SCARB1: variants seen among roughly 807,000 people sequenced by gnomAD.
SCARB1 encodes the protein CD36 and LIMPII analogous 1.
SCARB1 carries 30 observed loss-of-function variants against 57.2 expected under a neutral mutation model. The ratio of observed to expected loss-of-function variants is 0.52; its 90% CI spans 0.39 to 0.71. SCARB1 has a LOEUF of 0.71. Among genes scored for constraint, SCARB1 ranks in the 30% least tolerant of loss-of-function variants. SCARB1 has a pLI of 0.00. For synonymous variants in SCARB1, 249 were observed against 268.3 expected (o/e 0.93, Z 0.70); for missense variants, 543 against 671.2 (o/e 0.81, Z 2.11).
intron 6 of SCARB1, 103 bp from the exon 7 acceptor site, chr12:124,808,030 T>C: frequency 8.4e-7 from 1 of 1,184,430 alleles, no homozygotes. Flanking sequence ...CCACGGGCGC[T>C]ACCACCTCCC....
At chr12:124,861,162 C>T (rs1347064659) in intron 1 of SCARB1, among the ~76,000 whole-genome samples, 1 of 152,036 alleles carries the variant, frequency 6.6e-6, no homozygotes, top group Non-Finnish European at 1.5e-5. Flanking sequence ...GGTTTCAGGA[C>T]CCCCATAGAT....
Position 124,817,707 on chromosome 12 carries a change from T to C in SCARB1, c.127A>G (p.Asn43Asp), listed in dbSNP as rs752620595. 1 of 1,614,122 alleles carries C rather than the reference T, an allele frequency of 6.2e-7. No individual in the cohort carries two copies. The highest frequency in any genetic ancestry group is 2.2e-5 in the East Asian group (1 of 44,878). The change falls in exon 2 of 13, where the codon AAC becomes GAC. Residue 43 changes from asparagine (N) to aspartate (D), a missense_variant and splice_region_variant. By Grantham distance (23) the Asn-to-Asp change is conservative. Transcript: ENST00000261693. This position sits in a 1 kb window ranked among gnomAD's most constrained non-coding sequence, Gnocchi z 4.8. Reference protein sequence around the residue: ...PSLIKQQVLKNVRIDPSSLSF... With the variant: ...PSLIKQQVLKDVRIDPSSLSF... Reference sequence around the variant, plus strand: ...AGGCTACTGGGGTCGATGCGCACGTTCTGCAGGGGAAGGGACAAGTACGCT... The same window carrying C: ...AGGCTACTGGGGTCGATGCGCACGTCCTGCAGGGGAAGGGACAAGTACGCT...
chr12:124,805,941 C>T (rs1178237164), intron 7 of SCARB1, among the ~76,000 whole-genome samples: 3 of 152,144 alleles, frequency 2.0e-5, no homozygotes, highest in Admixed American at 6.5e-5. Context: ...GAAATGTTCT[C>T]TATCTGTGCT....
intron 1 of SCARB1, among the ~76,000 whole-genome samples, chr12:124,838,775 C>CT (rs1174317110): frequency 0.2 from 23,875 of 117,016 alleles, 3,917 homozygotes; most frequent in East Asian, 0.4. Context: ...CCAACTTAGC[C>CT]TTTTTTTTTT....
intron 1 of SCARB1, among the ~76,000 whole-genome samples, chr12:124,852,443 A>G (rs767098394): frequency 6.6e-6 from 1 of 152,092 alleles, no homozygotes; most frequent in Non-Finnish European, 1.5e-5. Flanking sequence ...CCGGAGAAAC[A>G]CGCCCGGCAG....
chr12:124,819,576 G>C (rs990953663), intron 1 of SCARB1, among the ~76,000 whole-genome samples: 1 of 152,038 alleles, frequency 6.6e-6, no homozygotes, highest in Non-Finnish European at 1.5e-5. Flanking sequence ...CAACCCAGCC[G>C]GGACATATCT....
intron 9 of SCARB1, among the ~76,000 whole-genome samples, chr12:124,793,692 C>CAAAAA (rs71092224): frequency 0.01 from 517 of 51,410 alleles, 13 homozygotes; most frequent in African/African-American, 0.028. Context: ...GACTCCGTCT[C>CAAAAA]AAAAAAAAAA....
intron 9 of SCARB1, among the ~76,000 whole-genome samples, chr12:124,794,400 CTTTTTT>C (rs3043265): frequency 1.7e-5 from 2 of 119,910 alleles, no homozygotes; most frequent in East Asian, 2.6e-4. Flanking sequence ...TTGAAAAATT[CTTTTTT>C]TTTTTTTTTT....
intron 1 of SCARB1, among the ~76,000 whole-genome samples, chr12:124,837,492 G>GAAGA (rs1951701596): frequency 7.4e-6 from 1 of 135,350 alleles, no homozygotes; most frequent in African/African-American, 2.9e-5. Context: ...AGGAAGGAAG[G>GAAGA]AAGGAAGGAA....
intron 1 of SCARB1, among the ~76,000 whole-genome samples, chr12:124,860,486 C>T (rs1157803072): frequency 6.6e-6 from 1 of 152,240 alleles, no homozygotes; most frequent in Non-Finnish European, 1.5e-5. Context: ...ACCAGAGACA[C>T]ACGGGAACTT....
At chr12:124,780,740 G>A (rs983277453) in intron 12 of SCARB1, among the ~76,000 whole-genome samples, 1 of 152,220 alleles carries the variant, frequency 6.6e-6, no homozygotes, top group Non-Finnish European at 1.5e-5. Context: ...GTTTTGTTTG[G>A]GGGGCAGATG....
At chr12:124,792,243 C>T (rs1440833420) in intron 9 of SCARB1, among the ~76,000 whole-genome samples, 8 of 152,256 alleles carry the variant, frequency 5.3e-5, no homozygotes, top group Admixed American at 2.0e-4. Flanking sequence ...CTCTGCTTCC[C>T]GGCAGCTGTG....
At chr12:124,786,797 G>A (rs1238461535) in intron 10 of SCARB1, among the ~76,000 whole-genome samples, 4 of 152,202 alleles carry the variant, frequency 2.6e-5, no homozygotes, top group Admixed American at 6.5e-5. Flanking sequence ...CTGAATGGAG[G>A]CTCTCCAGGA....
chr12:124,815,266 C>T (rs924811951), intron 2 of SCARB1, 152 bp from the exon 3 acceptor site: 3 of 876,444 alleles, frequency 3.4e-6, no homozygotes, highest in African/African-American at 3.3e-5. Context: ...GCCCCTTCGC[C>T]AAGTCTGTCC....
intron 2 of SCARB1, among the ~76,000 whole-genome samples, chr12:124,815,847 AAG>A (rs934953966): frequency 6.6e-6 from 1 of 152,140 alleles, no homozygotes; most frequent in Admixed American, 6.5e-5. Flanking sequence ...ACCTGGGTGA[AAG>A]AGAGACTCCG....
At chr12:124,804,529 T>G (rs1950257532) in intron 7 of SCARB1, among the ~76,000 whole-genome samples, 1 of 152,142 alleles carries the variant, frequency 6.6e-6, no homozygotes, top group Non-Finnish European at 1.5e-5. Flanking sequence ...ACAGTTGCTG[T>G]AGCACACCTA....
At chr12:124,831,567 C>T (rs185861761) in intron 1 of SCARB1, among the ~76,000 whole-genome samples, 7 of 152,224 alleles carry the variant, frequency 4.6e-5, no homozygotes, top group Admixed American at 1.3e-4. Flanking sequence ...AGCAGAGCAG[C>T]GAGGCCAGCC....
At position 124,778,410 on chromosome 12, in the gene SCARB1, GTA is replaced by G. The variant is rs1269406576; in HGVS notation, c.*175_*176del. ...TCTGCACAAGCCTGCACGCATGTGT[GTA>G]TGTGTGCCAGGGCGTGTGTGCAGGT... On this transcript the variant is annotated 3_prime_UTR_variant, in exon 13 of 13. Coordinates refer to ENST00000261693, the MANE Select transcript of SCARB1 (RefSeq NM_005505.5). 101 of 1,269,908 alleles carry G rather than the reference GTA, an allele frequency of 8.0e-5. 1 individual carries two copies. The Admixed American group carries it at 9.2e-4, about 12-fold the overall frequency. 78.7% of individuals were successfully genotyped at this position (1,269,908 alleles called of 1,614,324 possible).
rs71092225 is a variant in SCARB1, at chr12:124,817,020, ATGTGTGTGTGTGTG to A, written c.284+516_284+529del. On this transcript the variant is annotated intron_variant, in intron 2 of 12. Coordinates refer to ENST00000261693, the MANE Select transcript of SCARB1 (RefSeq NM_005505.5). The surrounding 1 kb of genome is among the most constrained non-coding windows in gnomAD (Gnocchi z 4.8). ...GGTCGGTCCCTGCTCCTGGTCATGCATGTGTGTGTGTGTGTGTGTGTGTGTGTGTATGTGTGTAT... is the reference window on the plus strand; with the variant it reads ...GGTCGGTCCCTGCTCCTGGTCATGCATGTGTGTGTGTGTGTATGTGTGTAT... 6.2e-5 allele frequency among the ~76,000 whole-genome samples: 9 copies of A among 146,170 alleles called. No individual in the cohort carries two copies. The highest frequency in any genetic ancestry group is 5.0e-5 in the African/African-American group (2 of 39,744).
Sources: gnomAD v4.1 joint callset for allele counts (sites outside exome capture counted in the v4.1 genomes callset) on GRCh38, gnomAD v4.1.1 for gene constraint, Gnocchi (gnomAD v3.1) non-coding constraint, MANE v1.5 for transcripts, NCBI Gene and HGNC (gene_info 2026-07-23, HGNC 2026-07-21) for gene names.